IQGAP2: variants seen among roughly 807,000 people sequenced by gnomAD.
IQGAP2 encodes the protein ras GTPase-activating-like protein IQGAP2.
Under a neutral mutation model 201.3 loss-of-function variants are expected in IQGAP2, and 173 were observed. The ratio of observed to expected loss-of-function variants is 0.86; its 90% CI spans 0.76 to 0.98. The LOEUF (loss-of-function observed/expected upper bound fraction) is 0.98, where lower values mean the gene tolerates loss of function less well. Among genes scored for constraint, IQGAP2 ranks in the 50% least tolerant of loss-of-function variants. IQGAP2 has a pLI of 0.00. For synonymous variants in IQGAP2, 675 were observed against 673.9 expected, an observed-to-expected ratio of 1.00 and a Z score of -0.03; for missense variants, 1,687 against 1,864.8, an observed-to-expected ratio of 0.90 and a Z score of 1.76.
At chr5:76,495,925 T>C (rs1477473088) in intron 2 of IQGAP2, among the ~76,000 whole-genome samples, 7 of 152,174 alleles carry the variant, frequency 4.6e-5, no homozygotes, top group Non-Finnish European at 5.9e-5. Context: ...GGGAATCACA[T>C]TTCAACATGA....
intron 2 of IQGAP2, among the ~76,000 whole-genome samples, chr5:76,519,073 T>G (rs1312514069): frequency 6.6e-6 from 1 of 152,200 alleles, no homozygotes; most frequent in East Asian, 1.9e-4. Context: ...TTATTATTTT[T>G]TTAAGTTTAC....
At chr5:76,645,180 C>G (rs1400869124) in intron 17 of IQGAP2, among the ~76,000 whole-genome samples, 4 of 151,610 alleles carry the variant, frequency 2.6e-5, no homozygotes, top group Non-Finnish European at 5.9e-5. Context: ...GATGTGAACT[C>G]ATCCTTTTTT....
chr5:76,571,893 G>T (rs1257355045), intron 4 of IQGAP2, among the ~76,000 whole-genome samples: 1 of 152,028 alleles, frequency 6.6e-6, no homozygotes, highest in South Asian at 2.1e-4. Context: ...GCATTTATTT[G>T]TGTAAGTGGG....
At chr5:76,701,436 A>G (rs1343121088) in intron 34 of IQGAP2, among the ~76,000 whole-genome samples, 3 of 152,222 alleles carry the variant, frequency 2.0e-5, no homozygotes, top group Admixed American at 6.5e-5. Context: ...GGCTTGTGCA[A>G]TATGTTTGGA....
intron 30 of IQGAP2, among the ~76,000 whole-genome samples, chr5:76,691,266 C>T (rs1034773264): frequency 4.6e-5 from 7 of 152,106 alleles, no homozygotes; most frequent in Admixed American, 1.3e-4. Flanking sequence ...AGTTTGTCCT[C>T]CAGCAACTCT....
chr5:76,589,946 G>A (rs967297789), intron 7 of IQGAP2, among the ~76,000 whole-genome samples: 1 of 152,080 alleles, frequency 6.6e-6, no homozygotes, highest in African/African-American at 2.4e-5. Context: ...ATGAATTGAG[G>A]TTCTAGAAAT....
At chr5:76,549,661 G>A (rs1743316214) in intron 2 of IQGAP2, among the ~76,000 whole-genome samples, 1 of 152,094 alleles carries the variant, frequency 6.6e-6, no homozygotes, top group South Asian at 2.1e-4. Flanking sequence ...AATGTGTTTG[G>A]TTTCTTCTGA....
intron 5 of IQGAP2, among the ~76,000 whole-genome samples, chr5:76,584,318 T>TACATATTA (rs1314449000): frequency 6.6e-6 from 1 of 152,152 alleles, no homozygotes; most frequent in Non-Finnish European, 1.5e-5. Flanking sequence ...TGAAATTAAC[T>TACATATTA]ACAGTAATAA....
At chr5:76,656,640 T>A (rs1360076282) in intron 20 of IQGAP2, among the ~76,000 whole-genome samples, 1 of 152,198 alleles carries the variant, frequency 6.6e-6, no homozygotes, top group Non-Finnish European at 1.5e-5. Context: ...GTAAAGTGTT[T>A]TTTTTTAAGC....
At chr5:76,483,929 T>C (rs369846123) in intron 2 of IQGAP2, among the ~76,000 whole-genome samples, 32 of 152,254 alleles carry the variant, frequency 2.1e-4, no homozygotes, top group African/African-American at 7.0e-4. Context: ...ATAATAGCTT[T>C]TCCTTCTTCC....
chr5:76,610,751 C>G (rs1230600674), intron 12 of IQGAP2, among the ~76,000 whole-genome samples: 1 of 151,892 alleles, frequency 6.6e-6, no homozygotes, highest in Non-Finnish European at 1.5e-5. Flanking sequence ...TTTCAGTGTA[C>G]ATGTCTTATG....
At chr5:76,456,532 T>C (rs1442663028) in intron 1 of IQGAP2, among the ~76,000 whole-genome samples, 1 of 152,166 alleles carries the variant, frequency 6.6e-6, no homozygotes, top group African/African-American at 2.4e-5. Context: ...ATTCTCCCAT[T>C]CCCACCCCAG....
intron 10 of IQGAP2, 69 bp from the exon 11 acceptor site, chr5:76,600,743 T>C (rs1747376083): frequency 1.3e-6 from 2 of 1,548,488 alleles, no homozygotes. Flanking sequence ...AAATGTGCAT[T>C]GTAAACCTCC....
intron 1 of IQGAP2, among the ~76,000 whole-genome samples, chr5:76,423,386 G>T (rs1179869965): frequency 6.6e-6 from 1 of 152,198 alleles, no homozygotes; most frequent in East Asian, 1.9e-4. Context: ...ACTTTGGCAG[G>T]CCTAGGCGGG....
At chr5:76,686,357 T>C (rs978465053) in intron 30 of IQGAP2, among the ~76,000 whole-genome samples, 35 of 151,930 alleles carry the variant, frequency 2.3e-4, no homozygotes, top group African/African-American at 8.5e-4. Flanking sequence ...TTGTTGTTGT[T>C]GTTGTTGTTG....
chr5:76,666,761 A>G (rs373055278), intron 22 of IQGAP2, among the ~76,000 whole-genome samples: 15 of 152,148 alleles, frequency 9.9e-5, no homozygotes, highest in African/African-American at 3.4e-4. Flanking sequence ...CTTTTTTTGT[A>G]GAGACAAGAT....
intron 1 of IQGAP2, among the ~76,000 whole-genome samples, chr5:76,442,549 A>T (rs1281214878): frequency 6.6e-6 from 1 of 152,244 alleles, no homozygotes; most frequent in Non-Finnish European, 1.5e-5. Context: ...CACAAGGCAG[A>T]TATGAGGACG....
intron 1 of IQGAP2, among the ~76,000 whole-genome samples, chr5:76,451,863 C>T (rs919571271): frequency 6.6e-6 from 1 of 152,120 alleles, no homozygotes; most frequent in African/African-American, 2.4e-5. Flanking sequence ...AACGAAACCC[C>T]GTCTCTACTA....
chr5:76,487,425 G>T (rs1369681363), intron 2 of IQGAP2, among the ~76,000 whole-genome samples: 3 of 152,120 alleles, frequency 2.0e-5, no homozygotes, highest in African/African-American at 7.2e-5. Context: ...TTGAATGGGG[G>T]GATGTGGATG....
Sources: allele counts gnomAD v4.1 joint callset (sites outside exome capture counted in the v4.1 genomes callset), GRCh38; gene constraint gnomAD v4.1.1; transcripts MANE v1.5; gene names NCBI Gene and HGNC (gene_info 2026-07-23, HGNC 2026-07-21).